NAALADL2: variants seen among roughly 807,000 people sequenced by gnomAD.
NAALADL2 encodes the protein inactive N-acetylated-alpha-linked acidic dipeptidase-like protein 2.
Under a neutral mutation model 87.2 loss-of-function variants are expected in NAALADL2, and 76 were observed. The ratio of observed to expected loss-of-function variants is 0.87; its 90% CI spans 0.72 to 1.05. NAALADL2 has a LOEUF of 1.05. NAALADL2 is among the 50% of genes least tolerant of loss of function. The pLI, the probability that NAALADL2 is intolerant of heterozygous loss-of-function variation, is 0.00. For synonymous variants in NAALADL2, 354 were observed against 331.0 expected, an observed-to-expected ratio of 1.07 and a Z score of -0.75; for missense variants, 1,089 against 945.8, an observed-to-expected ratio of 1.15 and a Z score of -1.99.
At position 175,118,207 on chromosome 3, in the gene NAALADL2, A is replaced by G. The variant is rs563483360; in HGVS notation, c.545+20916A>G. Among the ~76,000 whole-genome samples, 18 of 152,042 alleles carry G rather than the reference A, an allele frequency of 1.2e-4. No homozygotes were observed. The East Asian group carries it at 3.5e-3, about 30-fold the overall frequency. On this transcript the variant is annotated intron_variant, in intron 2 of 13. Transcript: ENST00000454872. ...ACACCAACATGGCACATGTATACATATGTAACAAACCTGCACGTTGTGCAC... is the reference window on the plus strand; with the variant it reads ...ACACCAACATGGCACATGTATACATGTGTAACAAACCTGCACGTTGTGCAC...
At chr3:174,701,704 C>G (rs1023619320) in intron 2 of NAALADL2, among the ~76,000 whole-genome samples, 7 of 152,120 alleles carry the variant, frequency 4.6e-5, no homozygotes, top group African/African-American at 1.7e-4. Context: ...AATGGAATCA[C>G]TCAGTATGTA....
chr3:174,861,607 C>G (rs185634194), intron 1 of NAALADL2, among the ~76,000 whole-genome samples: 1 of 151,916 alleles, frequency 6.6e-6, no homozygotes, highest in Non-Finnish European at 1.5e-5. Flanking sequence ...GGATGACTTA[C>G]GTGTTTTGAC....
At chr3:175,171,329 A>G (rs1312977563) in intron 2 of NAALADL2, among the ~76,000 whole-genome samples, 3 of 152,066 alleles carry the variant, frequency 2.0e-5, no homozygotes, top group Non-Finnish European at 4.4e-5. Context: ...CTCCTTATAA[A>G]GTCACATTTT....
chr3:174,687,997 T>C (rs1728202157), intron 2 of NAALADL2, among the ~76,000 whole-genome samples: 1 of 152,198 alleles, frequency 6.6e-6, no homozygotes, highest in South Asian at 2.1e-4. Context: ...ACTTTTTCTT[T>C]ATAAATTACC....
chr3:175,681,884 T>C (rs1288263384), intron 11 of NAALADL2, among the ~76,000 whole-genome samples: 1 of 152,190 alleles, frequency 6.6e-6, no homozygotes, highest in Non-Finnish European at 1.5e-5. Context: ...CAATTTTTCT[T>C]TTAAAAAATC....
upstream of NAALADL2, chr3:174,859,217 T>C (rs1363092796): frequency 7.0e-6 from 4 of 574,050 alleles, no homozygotes; most frequent in South Asian, 2.3e-5. Flanking sequence ...TCAAAAGATA[T>C]GATCTCACTT....
chr3:175,639,508 T>C (rs562477545), intron 11 of NAALADL2, among the ~76,000 whole-genome samples: 2 of 151,626 alleles, frequency 1.3e-5, no homozygotes, highest in Admixed American at 1.3e-4. Context: ...TTTTAGTAGA[T>C]ACGGGGTTTC....
intron 1 of NAALADL2, among the ~76,000 whole-genome samples, chr3:174,994,625 T>C (rs1050361968): frequency 1.3e-5 from 2 of 151,676 alleles, no homozygotes; most frequent in Non-Finnish European, 2.9e-5. Context: ...AAACAGAGTG[T>C]AATAAAATTC....
At chr3:174,843,736 T>C (rs1724278538) in intron 3 of NAALADL2, among the ~76,000 whole-genome samples, 1 of 152,134 alleles carries the variant, frequency 6.6e-6, no homozygotes, top group African/African-American at 2.4e-5. Context: ...TAGAGTCAGG[T>C]GTTATCTTGT....
chr3:175,792,344 T>C (rs1307335333), intron 13 of NAALADL2, among the ~76,000 whole-genome samples: 1 of 151,052 alleles, frequency 6.6e-6, no homozygotes, highest in Admixed American at 6.6e-5. Flanking sequence ...TAACATTAAA[T>C]CATTCTTTCA....
At chr3:175,328,088 T>C (rs1760962608) in intron 5 of NAALADL2, among the ~76,000 whole-genome samples, 1 of 152,182 alleles carries the variant, frequency 6.6e-6, no homozygotes, top group African/African-American at 2.4e-5. Context: ...ATTATTGTAT[T>C]AGCTTAGTCA....
intron 4 of NAALADL2, among the ~76,000 whole-genome samples, chr3:175,282,516 T>C (rs191945401): frequency 3.9e-5 from 6 of 152,152 alleles, no homozygotes; most frequent in Admixed American, 3.9e-4. Context: ...GAATATCATC[T>C]GAATAAAAGT....
chr3:174,819,855 TATAATA>T (rs925518477), intron 3 of NAALADL2, among the ~76,000 whole-genome samples: 8 of 152,308 alleles, frequency 5.3e-5, no homozygotes, highest in African/African-American at 1.9e-4. Flanking sequence ...CAAAGCTCCA[TATAATA>T]ATAATAGTTC....
intron 2 of NAALADL2, among the ~76,000 whole-genome samples, chr3:174,559,880 A>G (rs1211584542): frequency 2.0e-5 from 3 of 152,192 alleles, no homozygotes; most frequent in African/African-American, 2.4e-5. Flanking sequence ...ACAACATTCA[A>G]TCCATTGCAC....
intron 2 of NAALADL2, among the ~76,000 whole-genome samples, chr3:175,203,997 G>A (rs1740452966): frequency 6.6e-6 from 1 of 152,124 alleles, no homozygotes; most frequent in Admixed American, 6.6e-5. Context: ...CAAATTGACA[G>A]CAAAATTCTA....
At chr3:175,451,001 A>C (rs976199053) in intron 6 of NAALADL2, among the ~76,000 whole-genome samples, 3 of 152,130 alleles carry the variant, frequency 2.0e-5, no homozygotes, top group African/African-American at 7.2e-5. Context: ...TAAAGGGGAG[A>C]GAAAGATAGA....
chr3:174,483,983 C>T (rs796345753), intron 1 of NAALADL2, among the ~76,000 whole-genome samples: 95 of 152,120 alleles, frequency 6.2e-4, no homozygotes, highest in African/African-American at 2.2e-3. Flanking sequence ...AGATAATAGC[C>T]AGTAGAACAG....
intron 2 of NAALADL2, among the ~76,000 whole-genome samples, chr3:175,098,460 G>C (rs1224533648): frequency 6.6e-6 from 1 of 152,104 alleles, no homozygotes; most frequent in Non-Finnish European, 1.5e-5. Flanking sequence ...CTAGTCTAGA[G>C]GGAGAAAGTG....
chr3:175,345,680 A>G (rs1763081126), intron 5 of NAALADL2, among the ~76,000 whole-genome samples: 1 of 152,158 alleles, frequency 6.6e-6, no homozygotes, highest in Admixed American at 6.6e-5. Flanking sequence ...AGCATGGTCT[A>G]TTTGGGCAAA....
Sources: allele counts gnomAD v4.1 joint callset (sites outside exome capture counted in the v4.1 genomes callset), GRCh38; gene constraint gnomAD v4.1.1; transcripts MANE v1.5; gene names NCBI Gene and HGNC (gene_info 2026-07-23, HGNC 2026-07-21).